Variants in ARL8B observed in about 807,000 individuals in gnomAD.
ARL8B encodes ARF like GTPase 8B.
ARL8B carries 9 observed loss-of-function variants against 30.6 expected under a neutral mutation model. That is an observed-to-expected ratio of 0.29 (90% CI 0.18 to 0.51). The LOEUF (loss-of-function observed/expected upper bound fraction) is 0.51, where lower values mean the gene tolerates loss of function less well. ARL8B is among the 20% of genes least tolerant of loss of function. The pLI, the probability that ARL8B is intolerant of heterozygous loss-of-function variation, is 0.97. For missense variants in ARL8B, 130 were observed against 227.2 expected (o/e 0.57, Z 2.75); for synonymous variants, 74 against 76.0 (o/e 0.97, Z 0.14).
intron 1 of ARL8B, among the ~76,000 whole-genome samples, chr3:5,169,941 T>TGG (rs1178554658): frequency 6.6e-6 from 1 of 152,228 alleles, no homozygotes; most frequent in African/African-American, 2.4e-5. Context: ...AAGACAATTT[T>TGG]GGAATACATG....
intron 1 of ARL8B, among the ~76,000 whole-genome samples, chr3:5,134,950 C>G (rs1207139077): frequency 9.9e-5 from 15 of 152,106 alleles, no homozygotes. Flanking sequence ...CAGGTTCATG[C>G]GATTCTTGTG....
At chr3:5,122,689 C>T in intron 1 of ARL8B, 101 bp downstream of exon 1, 3 of 1,334,814 alleles carry the variant, frequency 2.2e-6, no homozygotes, top group Non-Finnish European at 2.0e-6. Context: ...CGCGATGGGA[C>T]TGATGGCGGG....
At chr3:5,136,967 C>T (rs1168455570) in intron 1 of ARL8B, among the ~76,000 whole-genome samples, 1 of 152,162 alleles carries the variant, frequency 6.6e-6, no homozygotes, top group Non-Finnish European at 1.5e-5. Flanking sequence ...TTGGTCTCTA[C>T]CTTCAGACAA....
intron 1 of ARL8B, among the ~76,000 whole-genome samples, chr3:5,147,145 A>G (rs1023199769): frequency 6.6e-6 from 1 of 151,680 alleles, no homozygotes; most frequent in African/African-American, 2.4e-5. Flanking sequence ...TTACATTAGG[A>G]TATCTCCTAA....
rs1188181684 is a variant in ARL8B at position 5,179,869 on chromosome 3, CAG to C, written c.*1160_*1161del. ...ACAGGTTGTTTAATAATCAGTCACA[CAG>C]AGAACTGAGGAACTGATGCTGTTTG... On this transcript the variant is annotated 3_prime_UTR_variant, in exon 7 of 7. Coordinates refer to ENST00000256496, the MANE Select transcript of ARL8B (RefSeq NM_018184.3). 2 of 152,490 alleles carry C rather than the reference CAG, an allele frequency of 1.3e-5. No homozygotes were observed. The highest frequency in any genetic ancestry group is 1.9e-4 in the East Asian group (1 of 5,200). The allele number at this position is 152,490 out of a possible 1,614,324, so 9.4% of individuals were successfully genotyped here. A position where few individuals can be genotyped will look rare whatever the true frequency, so the allele number is the denominator to read the frequency against.
chr3:5,133,041 A>G (rs143002301), intron 1 of ARL8B, among the ~76,000 whole-genome samples: 180 of 152,336 alleles, frequency 1.2e-3, no homozygotes, highest in Middle Eastern at 0.01. Flanking sequence ...CAGCATAAAT[A>G]TAATGGGGAG....
chr3:5,157,136 T>G (rs779319506), intron 1 of ARL8B: 3 of 152,180 alleles, frequency 2.0e-5, no homozygotes, highest in Non-Finnish European at 4.4e-5. Context: ...ATGATGTTAG[T>G]TTTCAAAGCC....
intron 1 of ARL8B, among the ~76,000 whole-genome samples, chr3:5,167,132 G>T (rs958520853): frequency 6.6e-6 from 1 of 152,100 alleles, no homozygotes; most frequent in African/African-American, 2.4e-5. Context: ...ATCTTATTTT[G>T]CTTCAGATTT....
intron 1 of ARL8B, among the ~76,000 whole-genome samples, chr3:5,155,710 T>TTAG (rs2054526729): frequency 7.4e-6 from 1 of 135,878 alleles, no homozygotes; most frequent in African/African-American, 2.7e-5. Flanking sequence ...CGTGTTCCTC[T>TTAG]AGTAAATTTT....
intron 1 of ARL8B, among the ~76,000 whole-genome samples, chr3:5,147,777 T>A (rs1236922072): frequency 1.3e-5 from 2 of 151,956 alleles, no homozygotes; most frequent in Non-Finnish European, 2.9e-5. Flanking sequence ...AGCTCTATGT[T>A]ACAAAGTTAG....
Position 5,172,607 on chromosome 3 carries a change from A to G in ARL8B, c.279-40A>G, listed in dbSNP as rs199546401. On this transcript the variant is annotated intron_variant, in intron 3 of 6. Coordinates refer to ENST00000256496, the MANE Select transcript of ARL8B (RefSeq NM_018184.3). ...TAATACTAGTTGTCATCATCAAGGC[A>G]TACAGAGAAGGTATGTTGAGATCAC... 5.2e-6 allele frequency: 7 copies of G among 1,339,444 alleles called. No individual in the cohort carries two copies. The East Asian group carries it at 1.6e-4, about 31-fold the overall frequency. The allele number at this position is 1,339,444 out of a possible 1,614,324, so 83.0% of individuals were successfully genotyped here.
intron 1 of ARL8B, among the ~76,000 whole-genome samples, chr3:5,158,184 A>C (rs975157932): frequency 6.6e-6 from 1 of 152,058 alleles, no homozygotes; most frequent in African/African-American, 2.4e-5. Flanking sequence ...GGGTTTCACT[A>C]TGTTGGCCAG....
intron 1 of ARL8B, among the ~76,000 whole-genome samples, chr3:5,152,240 T>C (rs1202740797): frequency 6.6e-6 from 1 of 152,222 alleles, no homozygotes; most frequent in Non-Finnish European, 1.5e-5. Flanking sequence ...CAATTTTTGC[T>C]TTATGTGTTT....
chr3:5,153,234 C>T (rs2054501174), intron 1 of ARL8B, among the ~76,000 whole-genome samples: 2 of 152,128 alleles, frequency 1.3e-5, no homozygotes, highest in South Asian at 4.1e-4. Context: ...TTGGCAGTGT[C>T]CCCACCCAAA....
At chr3:5,130,158 C>G (rs1354565258) in intron 1 of ARL8B, among the ~76,000 whole-genome samples, 1 of 151,776 alleles carries the variant, frequency 6.6e-6, no homozygotes, top group Admixed American at 6.6e-5. Context: ...GCCACTGCAC[C>G]TGACCAAGGT....
intron 1 of ARL8B, among the ~76,000 whole-genome samples, chr3:5,124,404 C>T (rs1384865782): frequency 2.0e-5 from 3 of 151,484 alleles, no homozygotes; most frequent in Admixed American, 1.3e-4. Flanking sequence ...CCGTTCCTGG[C>T]CTAATACCAC....
At chr3:5,126,049 AG>A (rs2054227585) in intron 1 of ARL8B, among the ~76,000 whole-genome samples, 1 of 152,168 alleles carries the variant, frequency 6.6e-6, no homozygotes, top group African/African-American at 2.4e-5. Flanking sequence ...AAAAGAAAAA[AG>A]ACATCTGGGC....
intron 1 of ARL8B, among the ~76,000 whole-genome samples, chr3:5,143,434 G>A (rs3967125): frequency 0.18 from 26,825 of 152,066 alleles, 3,119 homozygotes; most frequent in African/African-American, 0.32. Context: ...TAGAGCCAAC[G>A]TGCAATCCAC....
intron 1 of ARL8B, among the ~76,000 whole-genome samples, chr3:5,135,216 T>G (rs950977743): frequency 6.6e-6 from 1 of 152,114 alleles, no homozygotes; most frequent in Non-Finnish European, 1.5e-5. Context: ...AATCATCCTT[T>G]CCTCCCATTT....
Sources: allele counts gnomAD v4.1 joint callset (sites outside exome capture counted in the v4.1 genomes callset), GRCh38; gene constraint gnomAD v4.1.1; transcripts MANE v1.5; gene names NCBI Gene and HGNC (gene_info 2026-07-23, HGNC 2026-07-21).